The following OR6N1 variants were observed in gnomAD, a reference collection of about 807,000 sequenced individuals.
OR6N1 encodes olfactory receptor 6N1.
For missense variants in OR6N1, 394 were observed against 371.7 expected (o/e 1.06, Z -0.49); for synonymous variants, 170 against 150.7 (o/e 1.13, Z -0.94).
the OR6N1 span, among the ~76,000 whole-genome samples, chr1:158,828,804 G>A: frequency 4.6e-5 from 7 of 152,130 alleles, no homozygotes; most frequent in African/African-American, 1.4e-4. Flanking sequence ...TTAGGACTCC[G>A]CCTCTACAGC....
the OR6N1 span, among the ~76,000 whole-genome samples, chr1:158,788,343 G>A: frequency 6.6e-6 from 1 of 152,224 alleles, no homozygotes; most frequent in Non-Finnish European, 1.5e-5. Context: ...AGTCAGGGCA[G>A]TATTGCTGTT....
upstream of OR6N1, among the ~76,000 whole-genome samples, chr1:158,773,526 T>C (rs990577263): frequency 3.3e-5 from 5 of 152,188 alleles, no homozygotes; most frequent in Non-Finnish European, 5.9e-5. Flanking sequence ...TCTCTATATG[T>C]GTTGGGGTAA....
the OR6N1 span, among the ~76,000 whole-genome samples, chr1:158,821,815 G>C: frequency 1.3e-5 from 2 of 152,200 alleles, no homozygotes; most frequent in Non-Finnish European, 2.9e-5. Flanking sequence ...ACAAGTACTG[G>C]AATGTATGAG....
At chr1:158,790,576 T>C in the OR6N1 span, among the ~76,000 whole-genome samples, 6 of 151,916 alleles carry the variant, frequency 3.9e-5, no homozygotes, top group African/African-American at 1.5e-4. Flanking sequence ...GGCTAATTTT[T>C]TGTATTTTTA....
chr1:158,834,231 A>ATTTT, the OR6N1 span, among the ~76,000 whole-genome samples: 17 of 130,250 alleles, frequency 1.3e-4, no homozygotes, highest in African/African-American at 3.0e-4. Flanking sequence ...TCCTTTATCA[A>ATTTT]TTTTTTTTTT....
At chr1:158,830,289 G>C in the OR6N1 span, among the ~76,000 whole-genome samples, 2 of 152,164 alleles carry the variant, frequency 1.3e-5, no homozygotes, top group Non-Finnish European at 2.9e-5. Context: ...TGTGTTAGTG[G>C]CTGTCATTCT....
At chr1:158,806,422 C>T in the OR6N1 span, among the ~76,000 whole-genome samples, 29 of 152,280 alleles carry the variant, frequency 1.9e-4, no homozygotes, top group African/African-American at 6.7e-4. Flanking sequence ...ATGTGGAAAA[C>T]TCTGAAGTAA....
At chr1:158,776,525 T>G, upstream of OR6N1, 1 of 490,874 alleles carries the variant, frequency 2.0e-6, no homozygotes, top group Non-Finnish European at 3.6e-6. Context: ...GAGTAAAAAA[T>G]AGAAATAAAG....
the OR6N1 span, among the ~76,000 whole-genome samples, chr1:158,788,377 G>A: frequency 6.6e-6 from 1 of 152,110 alleles, no homozygotes; most frequent in Non-Finnish European, 1.5e-5. Flanking sequence ...CATATAAAAT[G>A]TAAACTTTCA....
chr1:158,833,516 T>G, the OR6N1 span, among the ~76,000 whole-genome samples: 3 of 152,202 alleles, frequency 2.0e-5, no homozygotes, highest in African/African-American at 7.2e-5. Context: ...GCAAACATCA[T>G]TCTACCTTCT....
At chr1:158,774,952 G>A (rs1411437819), upstream of OR6N1, 1 of 152,180 alleles carries the variant, frequency 6.6e-6, no homozygotes, top group Admixed American at 6.5e-5. Context: ...TATTGACCAG[G>A]TGTGGGTAAA....
the OR6N1 span, among the ~76,000 whole-genome samples, chr1:158,835,514 C>T: frequency 2.0e-5 from 3 of 150,666 alleles, no homozygotes; most frequent in Admixed American, 2.0e-4. Flanking sequence ...ATCTTTGGGA[C>T]TTTCCACATA....
At chr1:158,777,267 G>A in the OR6N1 span, 1 of 1,614,044 alleles carries the variant, frequency 6.2e-7, no homozygotes. Flanking sequence ...AAATGGCCAG[G>A]TATCTATCAT....
At chr1:158,789,813 C>A in the OR6N1 span, among the ~76,000 whole-genome samples, 2 of 152,064 alleles carry the variant, frequency 1.3e-5, no homozygotes, top group Non-Finnish European at 2.9e-5. Context: ...TGATTGTTTC[C>A]TTTGCTGTAC....
the OR6N1 span, chr1:158,808,416 C>T: frequency 0.16 from 24,524 of 152,802 alleles, 2,640 homozygotes; most frequent in Non-Finnish European, 0.24. Flanking sequence ...CGTGAGCCAC[C>T]GCGCCCAGCC....
chr1:158,765,830 G>A lies in OR6N1; in HGVS notation c.853C>T (p.Leu285Phe), dbSNP rs750574583. The A allele has an allele frequency of 6.2e-7, 1 of 1,614,140 alleles. No individual in the cohort carries two copies. The highest frequency in any genetic ancestry group is 2.2e-5 in the East Asian group (1 of 44,874). The change falls in exon 2 of 2, where the codon CTC becomes TTC. Residue 285 changes from leucine to phenylalanine, a missense_variant. Coordinates refer to ENST00000641846, the MANE Select transcript of OR6N1 (RefSeq NM_001005185.2). ...AVVYSVLTPF[L>F]NPFIYSLRNK... is the part of the protein sequence containing the mutation. ...CGCAAGCTGTAGATGAAGGGGTTGA[G>A]GAAGGGTGTGAGCACTGAGTAGACC...
chr1:158,779,673 T>A, the OR6N1 span, among the ~76,000 whole-genome samples: 3 of 152,234 alleles, frequency 2.0e-5, no homozygotes, highest in Non-Finnish European at 4.4e-5. Flanking sequence ...GAGACAGATA[T>A]GTTAAAAAAA....
At position 158,765,860 on chromosome 1, in the gene OR6N1, C is replaced by T. The variant is rs748494269; in HGVS notation, c.823G>A (p.Ala275Thr). ...GGTGTGAGCACTGAGTAGACCACTGCCAGGGCCTGGTCATAGTCCAGTGAG... is the reference window on the plus strand; with the variant it reads ...GGTGTGAGCACTGAGTAGACCACTGTCAGGGCCTGGTCATAGTCCAGTGAG... ...SYSLDYDQAL[A>T]VVYSVLTPFL... Residue 275 changes from alanine to threonine, a missense_variant, in exon 2 of 2, where the codon GCA becomes ACA. Ala to Thr is a moderately conservative substitution (Grantham distance 58). Transcript: ENST00000641846. 3 of 1,614,108 alleles carry T rather than the reference C, an allele frequency of 1.9e-6. No individual in the cohort carries two copies. In the East Asian group the frequency reaches 6.7e-5, roughly 36 times the overall value.
the OR6N1 span, among the ~76,000 whole-genome samples, chr1:158,807,080 T>C: frequency 9.3e-5 from 14 of 151,294 alleles, no homozygotes; most frequent in Non-Finnish European, 1.5e-4. Context: ...TGAGCACTCA[T>C]TCATTGCCAG....
Sources: allele counts gnomAD v4.1 joint callset (sites outside exome capture counted in the v4.1 genomes callset), GRCh38; gene constraint gnomAD v4.1.1; transcripts MANE v1.5; gene names NCBI Gene and HGNC (gene_info 2026-07-23, HGNC 2026-07-21).